Variants in ASCC3 observed in about 807,000 individuals in gnomAD.
ASCC3 encodes the protein ASC-1 complex subunit P200.
Under a neutral mutation model 256.3 loss-of-function variants are expected in ASCC3, and 158 were observed. The ratio of observed to expected loss-of-function variants is 0.62; its 90% CI spans 0.54 to 0.70. The LOEUF (loss-of-function observed/expected upper bound fraction) is 0.70, where lower values mean the gene tolerates loss of function less well. Ranked by LOEUF, ASCC3 falls within the 30% of genes least tolerant of loss-of-function variation. The pLI is 0.00. For synonymous variants in ASCC3, 948 were observed against 883.4 expected (o/e 1.07, Z -1.30); for missense variants, 2,259 against 2,626.0 (o/e 0.86, Z 3.05).
At chr6:100,715,611 T>G in intron 12 of ASCC3, 78 bp from the exon 13 acceptor site, 1 of 1,217,050 alleles carries the variant, frequency 8.2e-7, no homozygotes, top group South Asian at 1.3e-5. Context: ...TTTTGCCAAT[T>G]ACAATGCATT....
intron 10 of ASCC3, among the ~76,000 whole-genome samples, chr6:100,741,075 G>A (rs1475811660): frequency 6.6e-6 from 1 of 152,146 alleles, no homozygotes; most frequent in Non-Finnish European, 1.5e-5. Context: ...AGGCAGGCCT[G>A]GTAGTGATGA....
At chr6:100,619,160 G>A (rs1773819668) in intron 30 of ASCC3, among the ~76,000 whole-genome samples, 1 of 152,180 alleles carries the variant, frequency 6.6e-6, no homozygotes, top group Non-Finnish European at 1.5e-5. Flanking sequence ...TACTCAAGGT[G>A]TGTGGATGTC....
intron 30 of ASCC3, among the ~76,000 whole-genome samples, chr6:100,616,974 T>G (rs185699752): frequency 6.6e-6 from 1 of 152,166 alleles, no homozygotes; most frequent in Non-Finnish European, 1.5e-5. Flanking sequence ...GGCAGTATTC[T>G]GAACTTTTTG....
intron 4 of ASCC3, among the ~76,000 whole-genome samples, chr6:100,824,042 T>C (rs1177615826): frequency 1.3e-5 from 2 of 152,106 alleles, no homozygotes; most frequent in Admixed American, 6.5e-5. Context: ...AAAAAAGATA[T>C]AATGAGCCTA....
At chr6:100,692,160 T>C (rs1486859290) in intron 13 of ASCC3, among the ~76,000 whole-genome samples, 1 of 152,096 alleles carries the variant, frequency 6.6e-6, no homozygotes, top group East Asian at 1.9e-4. Flanking sequence ...ACTATTTACA[T>C]ATAACAATTC....
intron 13 of ASCC3, among the ~76,000 whole-genome samples, chr6:100,705,413 G>C (rs1778531932): frequency 6.6e-6 from 1 of 151,960 alleles, no homozygotes; most frequent in Non-Finnish European, 1.5e-5. Context: ...GAATTCATTT[G>C]TTTATTTAAG....
At chr6:100,773,378 AC>A (rs1459818319) in intron 8 of ASCC3, among the ~76,000 whole-genome samples, 1 of 152,150 alleles carries the variant, frequency 6.6e-6, no homozygotes, top group Non-Finnish European at 1.5e-5. Flanking sequence ...TTCCTAAACT[AC>A]AAATCTGATC....
At chr6:100,515,099 G>A (rs533597679) in intron 39 of ASCC3, among the ~76,000 whole-genome samples, 3 of 152,210 alleles carry the variant, frequency 2.0e-5, no homozygotes, top group African/African-American at 7.2e-5. Flanking sequence ...AGTTCTCCCT[G>A]AACTAATTAT....
intron 13 of ASCC3, among the ~76,000 whole-genome samples, chr6:100,706,135 C>T (rs1263101890): frequency 6.6e-6 from 1 of 151,626 alleles, no homozygotes; most frequent in Non-Finnish European, 1.5e-5. Flanking sequence ...ACTTCTCAGT[C>T]ATCAGAGTTA....
At chr6:100,696,217 CCT>C (rs769854075) in intron 13 of ASCC3, among the ~76,000 whole-genome samples, 5 of 151,886 alleles carry the variant, frequency 3.3e-5, no homozygotes, top group African/African-American at 9.7e-5. Context: ...CTTTCCATCC[CCT>C]CTCACTTAAA....
chr6:100,873,771 C>T (rs1213582872), intron 1 of ASCC3, among the ~76,000 whole-genome samples: 2 of 152,082 alleles, frequency 1.3e-5, no homozygotes, highest in African/African-American at 4.8e-5. Context: ...TAGTATCCAG[C>T]AAAACTAAGC....
intron 4 of ASCC3, among the ~76,000 whole-genome samples, chr6:100,829,721 G>T (rs1232758572): frequency 6.6e-6 from 1 of 152,192 alleles, no homozygotes; most frequent in East Asian, 1.9e-4. Context: ...AGCGAGCGAG[G>T]GCTGTGAGGA....
At chr6:100,571,208 T>G (rs1582468602) in intron 36 of ASCC3, among the ~76,000 whole-genome samples, 1 of 152,324 alleles carries the variant, frequency 6.6e-6, no homozygotes, top group East Asian at 1.9e-4. Flanking sequence ...AAGCAGCTCC[T>G]GCTTCCTTTG....
chr6:100,654,908 T>TAACACAA (rs1406075373), intron 17 of ASCC3, among the ~76,000 whole-genome samples: 2 of 151,988 alleles, frequency 1.3e-5, no homozygotes, highest in African/African-American at 4.8e-5. Flanking sequence ...ACTGCTTTGA[T>TAACACAA]AACACAATAG....
rs139537737 is a variant in ASCC3, at chr6:100,769,371, T to C, written c.1396-2026A>G. 4.3e-3 allele frequency among the ~76,000 whole-genome samples: 657 copies of C among 152,104 alleles called. 5 individuals are homozygous for C. The highest frequency in any genetic ancestry group is 4.9e-3 in the Non-Finnish European group (335 of 67,882). The stretch of plus-strand genomic sequence containing the variant: ...TAGCTAGAAGAAAAGATTTTGAATG[T>C]TATTATCACAAAGAAATAATAAATA... On this transcript the variant is annotated intron_variant, in intron 8 of 41. Coordinates refer to ENST00000369162, the MANE Select transcript of ASCC3 (RefSeq NM_006828.4).
At chr6:100,571,890 T>C (rs1432024079) in intron 36 of ASCC3, among the ~76,000 whole-genome samples, 1 of 152,230 alleles carries the variant, frequency 6.6e-6, no homozygotes, top group South Asian at 2.1e-4. Context: ...CAGTGAAAAC[T>C]AGAGTTATCA....
chr6:100,790,090 C>T (rs1219016987), intron 8 of ASCC3, among the ~76,000 whole-genome samples: 1 of 151,808 alleles, frequency 6.6e-6, no homozygotes, highest in Non-Finnish European at 1.5e-5. Flanking sequence ...CAAAAGTCAG[C>T]TATCAATGTG....
chr6:100,747,073 T>C lies in ASCC3; in HGVS notation c.1737+19492A>G, dbSNP rs186442573. On this transcript the variant is annotated intron_variant, in intron 10 of 41. Transcript: ENST00000369162. ...TCAATTGCAAGACAAACTACCCACT[T>C]GAAATATTTTAGACAGGGCAAAAGA... 3.3e-5 allele frequency among the ~76,000 whole-genome samples: 5 copies of C among 151,450 alleles called. No homozygotes were observed. In the East Asian group the frequency reaches 9.7e-4, roughly 29 times the overall value.
intron 8 of ASCC3, among the ~76,000 whole-genome samples, chr6:100,797,210 G>A (rs1265327875): frequency 1.3e-5 from 2 of 152,066 alleles, no homozygotes. Context: ...AGCACTTTGG[G>A]AGGCCGAGGC....
Sources: gnomAD v4.1 joint callset for allele counts (sites outside exome capture counted in the v4.1 genomes callset) on GRCh38, gnomAD v4.1.1 for gene constraint, MANE v1.5 for transcripts, NCBI Gene and HGNC (gene_info 2026-07-23, HGNC 2026-07-21) for gene names.